PDE4D: variants seen among roughly 807,000 people sequenced by gnomAD.
PDE4D encodes the protein 3',5'-cyclic-AMP phosphodiesterase 4D.
In PDE4D, 24 loss-of-function variants were observed where a neutral mutation model predicts 87.4. The observed-to-expected ratio is 0.27, with a 90% CI of 0.20 to 0.39. PDE4D has a LOEUF of 0.39. PDE4D is among the 10% of genes least tolerant of loss of function. The pLI is 1.00. For synonymous variants in PDE4D, 384 were observed against 383.2 expected (o/e 1.00, Z -0.02); for missense variants, 714 against 1,041.0 (o/e 0.69, Z 4.32).
intron 3 of PDE4D, among the ~76,000 whole-genome samples, chr5:59,923,031 A>T (rs540449185): frequency 4.3e-4 from 65 of 152,186 alleles, no homozygotes; most frequent in Admixed American, 7.2e-4. Context: ...CTGACTGAAG[A>T]GCTACTGGAT....
intron 1 of PDE4D, among the ~76,000 whole-genome samples, chr5:59,601,845 T>C (rs1827553920): frequency 1.3e-5 from 2 of 152,146 alleles, no homozygotes; most frequent in Non-Finnish European, 2.9e-5. Flanking sequence ...GAAATTTTTC[T>C]AAAAGAATAA....
intron 1 of PDE4D, among the ~76,000 whole-genome samples, chr5:59,570,945 A>G (rs930727251): frequency 6.6e-6 from 1 of 152,212 alleles, no homozygotes; most frequent in African/African-American, 2.4e-5. Context: ...AATATCTAAT[A>G]TTTAGTAACT....
chr5:60,009,185 G>A (rs550680289), intron 2 of PDE4D, among the ~76,000 whole-genome samples: 13 of 151,956 alleles, frequency 8.6e-5, no homozygotes, highest in South Asian at 2.1e-4. Flanking sequence ...TTTATCAAAC[G>A]TTGAAATTCA....
intron 1 of PDE4D, among the ~76,000 whole-genome samples, chr5:59,326,279 GA>G (rs981361188): frequency 1.8e-4 from 28 of 151,494 alleles, no homozygotes; most frequent in Admixed American, 2.0e-4. Context: ...ATAAAAAAAA[GA>G]AAAAAAATGT....
chr5:60,017,790 A>G (rs1765666734), intron 2 of PDE4D, among the ~76,000 whole-genome samples: 1 of 152,196 alleles, frequency 6.6e-6, no homozygotes, highest in Non-Finnish European at 1.5e-5. Flanking sequence ...AGAATGATTT[A>G]TATTCCTTTG....
At chr5:59,714,659 G>C (rs942127744) in intron 1 of PDE4D, among the ~76,000 whole-genome samples, 2 of 152,188 alleles carry the variant, frequency 1.3e-5, no homozygotes, top group African/African-American at 2.4e-5. Flanking sequence ...AATTAACATT[G>C]CTCTAGAGAG....
chr5:59,118,808 C>T (rs1774028968), intron 5 of PDE4D, among the ~76,000 whole-genome samples: 1 of 152,106 alleles, frequency 6.6e-6, no homozygotes, highest in Non-Finnish European at 1.5e-5. Context: ...CTGGTTTATC[C>T]CCAAGAAGTC....
intron 1 of PDE4D, among the ~76,000 whole-genome samples, chr5:59,515,732 A>G (rs192538734): frequency 4.6e-5 from 7 of 152,346 alleles, no homozygotes; most frequent in African/African-American, 7.2e-5. Flanking sequence ...TAAAAAATGT[A>G]TAAGATCTTC....
At chr5:59,272,054 T>A (rs1407416964) in intron 1 of PDE4D, among the ~76,000 whole-genome samples, 2 of 151,972 alleles carry the variant, frequency 1.3e-5, no homozygotes, top group Admixed American at 6.6e-5. Flanking sequence ...ATAAGTACTA[T>A]TACATATACA....
chr5:59,700,695 A>T (rs1343127052), intron 1 of PDE4D, among the ~76,000 whole-genome samples: 2 of 152,148 alleles, frequency 1.3e-5, no homozygotes, highest in African/African-American at 4.8e-5. Flanking sequence ...CCTATCCCCA[A>T]ACCTCACCTT....
chr5:59,157,396 GA>G (rs1561588158), intron 5 of PDE4D: 5 of 701,810 alleles, frequency 7.1e-6, no homozygotes, highest in Non-Finnish European at 1.3e-5. Context: ...CAAGTGATCC[GA>G]AGACATTTTT....
intron 1 of PDE4D, among the ~76,000 whole-genome samples, chr5:59,747,675 C>A (rs1038851694): frequency 6.6e-6 from 1 of 152,176 alleles, no homozygotes; most frequent in Non-Finnish European, 1.5e-5. Context: ...TTAAGAGACA[C>A]TTTTCATACA....
At chr5:59,006,373 T>C (rs1751618196) in intron 6 of PDE4D, among the ~76,000 whole-genome samples, 1 of 152,210 alleles carries the variant, frequency 6.6e-6, no homozygotes, top group South Asian at 2.1e-4. Context: ...GAGACCAGCC[T>C]GGGCAACATA....
intron 6 of PDE4D, among the ~76,000 whole-genome samples, chr5:59,025,945 G>A (rs1393810212): frequency 6.6e-6 from 1 of 152,266 alleles, no homozygotes; most frequent in African/African-American, 2.4e-5. Flanking sequence ...GCCAGAGGCT[G>A]TCCCTATAGG....
In PDE4D at chr5:60,022,951, C is replaced by T. The variant is rs555754918; in HGVS notation, c.43-34234G>A. On this transcript the variant is annotated intron_variant, in intron 2 of 16. Coordinates refer to the PDE4D transcript ENST00000502484. ...CTTTCCTCCTCCACTGATGCTGACT[C>T]CTCAACACATCTATAGCCTCAGCTC... Among the ~76,000 whole-genome samples, 3 of 152,246 alleles carry T rather than the reference C, an allele frequency of 2.0e-5. No homozygotes were observed. In the East Asian group the frequency reaches 5.8e-4, roughly 29 times the overall value.
chr5:59,304,518 C>T (rs1044255943), intron 1 of PDE4D, among the ~76,000 whole-genome samples: 9 of 152,104 alleles, frequency 5.9e-5, no homozygotes, highest in Non-Finnish European at 1.0e-4. Flanking sequence ...TTCAGTATTA[C>T]GTTGGCTGTG....
chr5:59,690,873 G>GA (rs1365070741), intron 1 of PDE4D, among the ~76,000 whole-genome samples: 1 of 152,080 alleles, frequency 6.6e-6, no homozygotes, highest in Non-Finnish European at 1.5e-5. Context: ...AAATTTACAA[G>GA]AAAAAATCAA....
intron 2 of PDE4D, among the ~76,000 whole-genome samples, chr5:60,102,178 T>A (rs1452393136): frequency 6.6e-6 from 1 of 152,194 alleles, no homozygotes; most frequent in Non-Finnish European, 1.5e-5. Context: ...GCAAGTGAAG[T>A]AGGTCACTGG....
At chr5:60,487,184 C>T (rs1265009813) in intron 1 of PDE4D, among the ~76,000 whole-genome samples, 1 of 152,200 alleles carries the variant, frequency 6.6e-6, no homozygotes, top group Non-Finnish European at 1.5e-5. Flanking sequence ...AAGTTACCCC[C>T]CAGCAATCAT....
Sources: allele counts gnomAD v4.1 joint callset (sites outside exome capture counted in the v4.1 genomes callset), GRCh38; gene constraint gnomAD v4.1.1; transcripts MANE v1.5; gene names NCBI Gene and HGNC (gene_info 2026-07-23, HGNC 2026-07-21).